The following RPS6KB1 variants were observed in gnomAD, a reference collection of about 807,000 sequenced individuals.
RPS6KB1 encodes the protein ribosomal protein S6 kinase B1, also known as ribosomal protein S6 kinase beta-1.
RPS6KB1 carries 12 observed loss-of-function variants against 70.2 expected under a neutral mutation model. The ratio of observed to expected loss-of-function variants is 0.17; its 90% CI spans 0.11 to 0.28. The LOEUF (loss-of-function observed/expected upper bound fraction) is 0.28. Among genes scored for constraint, RPS6KB1 ranks in the 10% least tolerant of loss-of-function variants. RPS6KB1 has a pLI of 1.00. For missense variants in RPS6KB1, 270 were observed against 646.6 expected (o/e 0.42, Z 6.32); for synonymous variants, 175 against 211.2 (o/e 0.83, Z 1.49).
At chr17:59,905,469 T>G (rs533735942) in intron 1 of RPS6KB1, among the ~76,000 whole-genome samples, 1 of 152,144 alleles carries the variant, frequency 6.6e-6, no homozygotes, top group East Asian at 1.9e-4. Context: ...CTCCTATGCT[T>G]CTTTTAAGAA....
In RPS6KB1 at chr17:59,947,006, C is replaced by A; in HGVS notation, c.*218C>A. 7.3e-7 allele frequency: 1 copy of A among 1,379,144 alleles called. No homozygotes were observed. The highest frequency in any genetic ancestry group is 9.4e-7 in the Non-Finnish European group (1 of 1,065,632). 85.4% of individuals were successfully genotyped at this position (1,379,144 alleles called of 1,614,324 possible). ...AATAGTATTGCTGAACTCTTAGGCA[C>A]ATCAATTAATTGATTCCTCGCGACA... On this transcript the variant is annotated 3_prime_UTR_variant, in exon 15 of 15. Transcript: ENST00000225577.
Position 59,947,632 on chromosome 17 carries a change from A to G in RPS6KB1, c.*844A>G. ...AACTGGAAGCCTTGGAATGGGCATA[A>G]GTTGTATGTCCTACATTTCATCATT... On this transcript the variant is annotated 3_prime_UTR_variant, in exon 15 of 15. Transcript: ENST00000225577. 8.6e-7 allele frequency: 1 copy of G among 1,163,520 alleles called. No homozygotes were observed. The highest frequency in any genetic ancestry group is 1.3e-6 in the Non-Finnish European group (1 of 792,226). 72.1% of individuals were successfully genotyped at this position (1,163,520 alleles called of 1,614,324 possible).
intron 13 of RPS6KB1, among the ~76,000 whole-genome samples, chr17:59,943,109 G>A (rs1033869496): frequency 6.6e-6 from 1 of 152,092 alleles, no homozygotes; most frequent in African/African-American, 2.4e-5. Flanking sequence ...AGAGCACATA[G>A]GCAAAATATA....
chr17:59,947,363 A>G lies in RPS6KB1; in HGVS notation c.*575A>G, dbSNP rs985391897. 1.6e-5 allele frequency: 19 copies of G among 1,196,554 alleles called. No homozygotes were observed. The South Asian group carries it at 2.9e-4, about 18-fold the overall frequency. The allele number at this position is 1,196,554 out of a possible 1,614,324, so 74.1% of individuals were successfully genotyped here. On this transcript the variant is annotated 3_prime_UTR_variant, in exon 15 of 15. Coordinates refer to ENST00000225577, the MANE Select transcript of RPS6KB1 (RefSeq NM_003161.4). ...TCAGCTCATTATGAAAAACATCCCA[A>G]ACTTTAAAATGCGAAATTATTGGTT... is the stretch of plus-strand genomic sequence containing the variant.
intron 1 of RPS6KB1, among the ~76,000 whole-genome samples, chr17:59,896,262 C>T (rs1407235035): frequency 2.0e-5 from 3 of 151,910 alleles, no homozygotes; most frequent in Admixed American, 6.6e-5. Flanking sequence ...GGCGCTATCT[C>T]GGCTCACTGC....
Position 59,899,164 on chromosome 17 carries a change from A to C in RPS6KB1, c.141+5839A>C, listed in dbSNP as rs1308853604. ...GGTTGCAGTGAGCCAAGATCGCGCC[A>C]TTGTTCTCCAGCCTGGGGGACAAGA... On this transcript the variant is annotated intron_variant, in intron 1 of 14. Transcript: ENST00000225577. Among the ~76,000 whole-genome samples the C allele has an allele frequency of 2.6e-5, 4 of 151,250 alleles. No homozygotes were observed. In the Admixed American group the frequency reaches 2.6e-4, roughly 10 times the overall value.
rs189509176 is a variant in RPS6KB1 at position 59,900,230 on chromosome 17, A to C, written c.141+6905A>C. ...CACACACACACACACACACACACAC[A>C]CCCCTATGTGTTTTTGTTGTGTATG... is the stretch of plus-strand genomic sequence containing the variant. On this transcript the variant is annotated intron_variant, in intron 1 of 14. Coordinates refer to ENST00000225577, the MANE Select transcript of RPS6KB1 (RefSeq NM_003161.4). Among the ~76,000 whole-genome samples, 1,031 of 136,814 alleles carry C rather than the reference A, an allele frequency of 7.5e-3. 12 individuals are homozygous for C. Among genetic ancestry groups the C allele is most frequent in the South Asian group, 0.02 (83 of 4,140 alleles). 89.8% of individuals were successfully genotyped at this position (136,814 alleles called of 152,430 possible). A position where few individuals can be genotyped will look rare whatever the true frequency, so the allele number is the denominator to read the frequency against.
At chr17:59,898,762 C>T (rs958468492) in intron 1 of RPS6KB1, among the ~76,000 whole-genome samples, 1 of 151,810 alleles carries the variant, frequency 6.6e-6, no homozygotes, top group Admixed American at 6.6e-5. Context: ...CGGCCAGCAG[C>T]AACTATTTTT....
At chr17:59,909,559 C>T (rs2042502859) in intron 1 of RPS6KB1, among the ~76,000 whole-genome samples, 1 of 151,128 alleles carries the variant, frequency 6.6e-6, no homozygotes. Flanking sequence ...AGCCACCATG[C>T]CCAGCCTGTC....
In RPS6KB1 at chr17:59,949,657, G is replaced by A. The variant is rs1598856264; in HGVS notation, c.*2869G>A. ...TGAACCAGATTTTTAGGAAAATTATGTTCTTTTTCCCCCTTTATGGTCTTA... is the reference window on the plus strand; with the variant it reads ...TGAACCAGATTTTTAGGAAAATTATATTCTTTTTCCCCCTTTATGGTCTTA... On this transcript the variant is annotated 3_prime_UTR_variant, in exon 15 of 15. Transcript: ENST00000225577. 6.6e-6 allele frequency: 1 copy of A among 152,386 alleles called. No homozygotes were observed. The highest frequency in any genetic ancestry group is 2.4e-5 in the African/African-American group (1 of 41,402). The allele number at this position is 152,386 out of a possible 1,614,324, so 9.4% of individuals were successfully genotyped here.
rs202216623 is a variant in RPS6KB1, at chr17:59,893,334, C to A, written c.141+9C>A. The stretch of plus-strand genomic sequence containing the variant: ...ATGAGCTGGAGGAGGGGGTGAGGCC[C>A]GGGGTCCCCGGGGGCCCGAGGTGAC... On this transcript the variant is annotated intron_variant, in intron 1 of 14. Transcript: ENST00000225577. The surrounding 1 kb of genome is among the most constrained non-coding windows in gnomAD (Gnocchi z 4.1). The A allele has an allele frequency of 6.3e-7, 1 of 1,592,958 alleles. No homozygotes were observed. The highest frequency in any genetic ancestry group is 2.3e-5 in the East Asian group (1 of 43,852).
chr17:59,895,214 G>A (rs1421527987), intron 1 of RPS6KB1, among the ~76,000 whole-genome samples: 1 of 150,338 alleles, frequency 6.7e-6, no homozygotes, highest in Non-Finnish European at 1.5e-5. Flanking sequence ...TAGAGATGGA[G>A]TTTCACTGTG....
At chr17:59,937,406 C>T (rs527414615) in intron 12 of RPS6KB1, among the ~76,000 whole-genome samples, 3 of 152,308 alleles carry the variant, frequency 2.0e-5, no homozygotes, top group East Asian at 3.9e-4. Flanking sequence ...GTACCACAAA[C>T]CGGGTGGCTT....
At chr17:59,907,555 T>G (rs80197472) in intron 1 of RPS6KB1, among the ~76,000 whole-genome samples, 1 of 151,750 alleles carries the variant, frequency 6.6e-6, no homozygotes, top group South Asian at 2.1e-4. Context: ...TTTTTTTTTT[T>G]GAGACAGGGT....
chr17:59,901,023 T>C (rs2041904754), intron 1 of RPS6KB1, among the ~76,000 whole-genome samples: 1 of 151,656 alleles, frequency 6.6e-6, no homozygotes, highest in Non-Finnish European at 1.5e-5. Context: ...TACCCAGGCG[T>C]GGTGGTGCAT....
At chr17:59,929,055 T>C (rs1319502960) in intron 5 of RPS6KB1, among the ~76,000 whole-genome samples, 1 of 152,220 alleles carries the variant, frequency 6.6e-6, no homozygotes, top group Non-Finnish European at 1.5e-5. Flanking sequence ...TTTGTCTTTG[T>C]AATTAATAAG....
rs140589127 is a variant in RPS6KB1, at chr17:59,933,928, T to C, written c.689-242T>C. 2.7e-3 allele frequency among the ~76,000 whole-genome samples: 415 copies of C among 152,268 alleles called. 1 individual carries two copies. Among genetic ancestry groups the C allele is most frequent in the African/African-American group, 9.0e-3 (372 of 41,554 alleles). On this transcript the variant is annotated intron_variant, in intron 7 of 14. Coordinates refer to ENST00000225577, the MANE Select transcript of RPS6KB1 (RefSeq NM_003161.4). ...GAGCCTTAAACAGGTTATTTCACTT[T>C]TTTCTCTATCTTTATTTTCTCTTTA...
intron 4 of RPS6KB1, among the ~76,000 whole-genome samples, chr17:59,919,754 C>A (rs2043163522): frequency 6.6e-6 from 1 of 151,958 alleles, no homozygotes; most frequent in African/African-American, 2.4e-5. Flanking sequence ...CTGTCTGTTC[C>A]TTACACAGAC....
Position 59,948,798 on chromosome 17 carries a change from C to CT in RPS6KB1, c.*2013dup. ...TACTTAAAAAGTGCAGATCCTTGTT[C>CT]TTTGACAATTTGTGATGTCTGAAAA... On this transcript the variant is annotated 3_prime_UTR_variant, in exon 15 of 15. Coordinates refer to ENST00000225577, the MANE Select transcript of RPS6KB1 (RefSeq NM_003161.4). The CT allele has an allele frequency of 6.6e-6, 1 of 152,652 alleles. No individual in the cohort carries two copies. The highest frequency in any genetic ancestry group is 2.1e-4 in the South Asian group (1 of 4,816). 9.5% of individuals were successfully genotyped at this position (152,652 alleles called of 1,614,324 possible). A position where few individuals can be genotyped will look rare whatever the true frequency, so the allele number is the denominator to read the frequency against.
Sources: allele counts gnomAD v4.1 joint callset (sites outside exome capture counted in the v4.1 genomes callset), GRCh38; gene constraint gnomAD v4.1.1; non-coding constraint Gnocchi (gnomAD v3.1); transcripts MANE v1.5; gene names NCBI Gene and HGNC (gene_info 2026-07-23, HGNC 2026-07-21).